The following ASTN2 variants were observed in gnomAD, a reference collection of about 807,000 sequenced individuals.
ASTN2 encodes astrotactin-2.
ASTN2 carries 54 observed loss-of-function variants against 139.8 expected under a neutral mutation model. The ratio of observed to expected loss-of-function variants is 0.39; its 90% CI spans 0.31 to 0.48. The LOEUF (loss-of-function observed/expected upper bound fraction) is 0.48, where lower values mean the gene tolerates loss of function less well. Ranked by LOEUF, ASTN2 falls within the 20% of genes least tolerant of loss-of-function variation. The pLI is 0.95. For synonymous variants in ASTN2, 756 were observed against 719.5 expected (o/e 1.05, Z -0.81); for missense variants, 1,565 against 1,725.1 (o/e 0.91, Z 1.64).
chr9:116,955,938 A>G (rs80346236), intron 10 of ASTN2, among the ~76,000 whole-genome samples: 3 of 152,192 alleles, frequency 2.0e-5, no homozygotes, highest in African/African-American at 4.8e-5. Flanking sequence ...TCAACATGCT[A>G]TCATGGGGAA....
chr9:116,718,239 G>A (rs780202659), intron 16 of ASTN2, among the ~76,000 whole-genome samples: 1 of 152,162 alleles, frequency 6.6e-6, no homozygotes. Context: ...TCAGCAGAAG[G>A]CCAAGTGACA....
chr9:117,395,565 T>C (rs915874062), intron 1 of ASTN2, among the ~76,000 whole-genome samples: 1 of 152,168 alleles, frequency 6.6e-6, no homozygotes, highest in Non-Finnish European at 1.5e-5. Flanking sequence ...ACAAAAGAAC[T>C]CAAGGCTGGT....
chr9:116,718,970 C>CTTTATATATATATATATATATATATA lies in ASTN2; in HGVS notation c.2806+6800_2806+6801insTATATATATATATATATATATATAAA, dbSNP rs1828392449. 7.7e-5 allele frequency among the ~76,000 whole-genome samples: 2 copies of CTTTATATATATATATATATATATATA among 25,928 alleles called. 1 individual carries two copies. The highest frequency in any genetic ancestry group is 1.7e-4 in the Non-Finnish European group (2 of 12,002). 17.0% of individuals were successfully genotyped at this position (25,928 alleles called of 152,430 possible). A position where few individuals can be genotyped will look rare whatever the true frequency, so the allele number is the denominator to read the frequency against. Reference sequence around the variant, plus strand: ...TATATTTACATATCTATACCTGTATCTGTACATATATATATATATATCTGC... The same window carrying CTTTATATATATATATATATATATATA: ...TATATTTACATATCTATACCTGTATCTTTATATATATATATATATATATATATGTACATATATATATATATATCTGC... On this transcript the variant is annotated intron_variant, in intron 16 of 22. Transcript: ENST00000313400.
At chr9:117,159,954 T>C (rs1002107867) in intron 3 of ASTN2, among the ~76,000 whole-genome samples, 1 of 152,066 alleles carries the variant, frequency 6.6e-6, no homozygotes, top group South Asian at 2.1e-4. Context: ...TCAGGTTTAC[T>C]TCATGTCTCA....
intron 4 of ASTN2, among the ~76,000 whole-genome samples, chr9:117,105,740 G>T (rs1358043061): frequency 6.6e-6 from 1 of 152,084 alleles, no homozygotes; most frequent in Non-Finnish European, 1.5e-5. Flanking sequence ...GAGCTGGTGT[G>T]GTGTCCAGAG....
rs116310441 is a variant in ASTN2 at position 116,838,835 on chromosome 9, C to T, written c.2041-18052G>A. 1.3e-3 allele frequency among the ~76,000 whole-genome samples: 205 copies of T among 152,296 alleles called. 1 individual carries two copies. The highest frequency in any genetic ancestry group is 4.8e-3 in the African/African-American group (200 of 41,568). On this transcript the variant is annotated intron_variant, in intron 11 of 22. Transcript: ENST00000313400. ...ACAGCAGGAAGTCAGAGAAGACTTT[C>T]AGTGCTAACTGCTCAGTTTTTATCA...
At chr9:117,018,093 C>T (rs183699119) in intron 6 of ASTN2, among the ~76,000 whole-genome samples, 1 of 152,120 alleles carries the variant, frequency 6.6e-6, no homozygotes, top group East Asian at 1.9e-4. Flanking sequence ...GAATGAGGGA[C>T]CCTACTTGAA....
intron 10 of ASTN2, among the ~76,000 whole-genome samples, chr9:116,934,687 A>G (rs1048292059): frequency 1.3e-5 from 2 of 152,208 alleles, no homozygotes; most frequent in Non-Finnish European, 2.9e-5. Flanking sequence ...TACCTGGGTA[A>G]TAAAATCTGT....
intron 10 of ASTN2, among the ~76,000 whole-genome samples, chr9:116,966,142 G>GAAGTCCCCTTTT (rs1836005273): frequency 4.6e-5 from 7 of 152,144 alleles, no homozygotes; most frequent in Admixed American, 4.6e-4. Context: ...CTCAACATCA[G>GAAGTCCCCTTTT]AAGTCCCCTT....
chr9:117,173,863 A>T (rs1346519254), intron 3 of ASTN2, among the ~76,000 whole-genome samples: 1 of 151,932 alleles, frequency 6.6e-6, no homozygotes, highest in Non-Finnish European at 1.5e-5. Flanking sequence ...AATGATATAG[A>T]AGAGAAATAA....
intron 10 of ASTN2, among the ~76,000 whole-genome samples, chr9:116,935,072 C>T (rs1835030942): frequency 6.6e-6 from 1 of 152,160 alleles, no homozygotes. Context: ...TTAGGAGTTA[C>T]GCATTAGGAG....
At chr9:117,306,019 T>C (rs542771066) in intron 1 of ASTN2, among the ~76,000 whole-genome samples, 1 of 152,236 alleles carries the variant, frequency 6.6e-6, no homozygotes, top group Non-Finnish European at 1.5e-5. Context: ...AGCCTGTCTT[T>C]GATTGTAAAT....
chr9:116,961,988 G>A (rs1327004098), intron 10 of ASTN2, among the ~76,000 whole-genome samples: 2 of 152,216 alleles, frequency 1.3e-5, no homozygotes, highest in African/African-American at 2.4e-5. Flanking sequence ...TGGAGAATGA[G>A]GCAGTGGGAT....
At chr9:117,247,569 C>T (rs1241006848) in intron 2 of ASTN2, among the ~76,000 whole-genome samples, 3 of 152,316 alleles carry the variant, frequency 2.0e-5, no homozygotes, top group East Asian at 3.9e-4. Flanking sequence ...TCGAATAAAA[C>T]TTAGTTTCTG....
intron 19 of ASTN2, among the ~76,000 whole-genome samples, chr9:116,600,323 C>CAAAAAAAAAAAAA (rs35224783): frequency 1.7e-5 from 2 of 118,996 alleles, no homozygotes; most frequent in Non-Finnish European, 3.5e-5. Context: ...GACCCTGTCT[C>CAAAAAAAAAAAAA]AAAAAAAAAA....
At chr9:116,876,239 G>T (rs1833293177) in intron 10 of ASTN2, among the ~76,000 whole-genome samples, 1 of 152,148 alleles carries the variant, frequency 6.6e-6, no homozygotes, top group African/African-American at 2.4e-5. Context: ...AATAATTACA[G>T]ATGTGAAAAT....
intron 10 of ASTN2, among the ~76,000 whole-genome samples, chr9:116,967,007 G>A (rs985051945): frequency 1.4e-4 from 22 of 152,166 alleles, no homozygotes; most frequent in Admixed American, 2.0e-4. Context: ...TACTACCCAT[G>A]TGACATTGCA....
At chr9:116,979,671 G>T (rs1301450821) in intron 7 of ASTN2, among the ~76,000 whole-genome samples, 1 of 152,040 alleles carries the variant, frequency 6.6e-6, no homozygotes, top group African/African-American at 2.4e-5. Context: ...CAAGCCACAG[G>T]CCTCATGATT....
chr9:116,698,902 T>C lies in ASTN2; in HGVS notation c.2806+26869A>G, dbSNP rs766074937. On this transcript the variant is annotated intron_variant, in intron 16 of 22. Coordinates refer to ENST00000313400, the MANE Select transcript of ASTN2 (RefSeq NM_001365068.1). This position sits in a 1 kb window ranked among gnomAD's most constrained non-coding sequence, Gnocchi z 4.4. Reference sequence around the variant, plus strand: ...GTGACCAGTCAAGGTGAAGTACTAGTCGCTGACCGTGGTAACTATCGTATA... The same window carrying C: ...GTGACCAGTCAAGGTGAAGTACTAGCCGCTGACCGTGGTAACTATCGTATA... The C allele has an allele frequency of 6.2e-7, 1 of 1,614,220 alleles. No homozygotes were observed. The highest frequency in any genetic ancestry group is 2.2e-5 in the East Asian group (1 of 44,864).
Sources: allele counts gnomAD v4.1 joint callset (sites outside exome capture counted in the v4.1 genomes callset), GRCh38; gene constraint gnomAD v4.1.1; non-coding constraint Gnocchi (gnomAD v3.1); transcripts MANE v1.5; gene names NCBI Gene and HGNC (gene_info 2026-07-23, HGNC 2026-07-21).